Variants in AGTPBP1 observed in about 807,000 individuals in gnomAD.
AGTPBP1 encodes the protein cytosolic carboxypeptidase 1.
A neutral mutation model predicts 143.9 loss-of-function variants in AGTPBP1; 70 were observed. The ratio of observed to expected loss-of-function variants is 0.49; its 90% CI spans 0.40 to 0.59. The LOEUF is 0.59. AGTPBP1 is among the 20% of genes least tolerant of loss of function. The pLI, the probability that AGTPBP1 is intolerant of heterozygous loss-of-function variation, is 0.00. For synonymous variants in AGTPBP1, 463 were observed against 500.2 expected (o/e 0.93, Z 0.99); for missense variants, 1,229 against 1,464.5 (o/e 0.84, Z 2.62).
the AGTPBP1 span, among the ~76,000 whole-genome samples, chr9:85,778,364 T>TC: frequency 1.5e-4 from 23 of 152,342 alleles, no homozygotes; most frequent in African/African-American, 5.1e-4. Flanking sequence ...CTGCAGAAGA[T>TC]GGCGGGGCCT....
At chr9:85,700,828 A>G (rs1836593570) in intron 2 of AGTPBP1, among the ~76,000 whole-genome samples, 1 of 152,244 alleles carries the variant, frequency 6.6e-6, no homozygotes, top group Non-Finnish European at 1.5e-5. Flanking sequence ...ATAAGCTTGA[A>G]TATTTAGCCA....
intron 11 of AGTPBP1, among the ~76,000 whole-genome samples, chr9:85,652,699 T>C (rs1393356783): frequency 2.6e-5 from 4 of 152,086 alleles, no homozygotes; most frequent in East Asian, 3.9e-4. Flanking sequence ...TAACCATAAG[T>C]AGAGTGTTCC....
At chr9:85,804,707 C>T in the AGTPBP1 span, among the ~76,000 whole-genome samples, 2 of 152,202 alleles carry the variant, frequency 1.3e-5, no homozygotes, top group Non-Finnish European at 2.9e-5. Flanking sequence ...CTTAACTTCG[C>T]CTGTAAAATT....
At chr9:85,638,979 T>A (rs1382611289) in intron 13 of AGTPBP1, among the ~76,000 whole-genome samples, 3 of 152,072 alleles carry the variant, frequency 2.0e-5, no homozygotes, top group African/African-American at 7.2e-5. Context: ...AATAGGCAAA[T>A]AGACAACTGT....
the AGTPBP1 span, among the ~76,000 whole-genome samples, chr9:85,772,671 T>C: frequency 6.6e-6 from 1 of 151,832 alleles, no homozygotes; most frequent in Non-Finnish European, 1.5e-5. Context: ...GAGGATCACT[T>C]GATCTCAGGA....
intron 2 of AGTPBP1, among the ~76,000 whole-genome samples, chr9:85,699,595 T>C (rs1221158782): frequency 7.3e-6 from 1 of 136,852 alleles, no homozygotes; most frequent in Non-Finnish European, 1.6e-5. Flanking sequence ...AAAAAAATAA[T>C]AAACAGCAAA....
chr9:85,738,439 A>G (rs1823969759), intron 1 of AGTPBP1, among the ~76,000 whole-genome samples: 1 of 152,214 alleles, frequency 6.6e-6, no homozygotes, highest in South Asian at 2.1e-4. Context: ...TAGATAAAAA[A>G]GAATGCTTAA....
At chr9:85,573,784 T>C (rs1300877172) in intron 25 of AGTPBP1, among the ~76,000 whole-genome samples, 2 of 150,970 alleles carry the variant, frequency 1.3e-5, no homozygotes, top group Non-Finnish European at 2.9e-5. Flanking sequence ...GGAGCGCCTC[T>C]GCCCGGCAGC....
chr9:85,563,528 T>C (rs945496008), intron 25 of AGTPBP1, among the ~76,000 whole-genome samples: 1 of 152,166 alleles, frequency 6.6e-6, no homozygotes, highest in South Asian at 2.1e-4. Flanking sequence ...TGATTGCTTA[T>C]AGTAAAATGC....
chr9:85,691,163 T>C lies in AGTPBP1; in HGVS notation c.157+1526A>G, dbSNP rs12343158. ...TTCATTAGTTGCCTTAGTTGATAAG[T>C]ACAATATTTCCAGAGCCTGGAATCC... On this transcript the variant is annotated intron_variant, in intron 3 of 25. Coordinates refer to ENST00000357081, the MANE Select transcript of AGTPBP1 (RefSeq NM_001330701.2). Among the ~76,000 whole-genome samples, 89 of 152,280 alleles carry C rather than the reference T, an allele frequency of 5.8e-4. 1 individual carries two copies. Among genetic ancestry groups the C allele is most frequent in the African/African-American group, 1.6e-3 (68 of 41,560 alleles).
the AGTPBP1 span, among the ~76,000 whole-genome samples, chr9:85,765,662 C>T: frequency 6.6e-6 from 1 of 152,028 alleles, no homozygotes; most frequent in Non-Finnish European, 1.5e-5. Flanking sequence ...ATCTGAACTT[C>T]CTCTGCAAAT....
chr9:85,734,706 G>C (rs2134777441), intron 1 of AGTPBP1, among the ~76,000 whole-genome samples: 1 of 152,250 alleles, frequency 6.6e-6, no homozygotes, highest in African/African-American at 2.4e-5. Context: ...AAGGTTCCTT[G>C]AAAAATTAAA....
chr9:85,732,440 A>G (rs995270636), intron 1 of AGTPBP1, among the ~76,000 whole-genome samples: 4 of 151,986 alleles, frequency 2.6e-5, no homozygotes, highest in Non-Finnish European at 4.4e-5. Context: ...GGGACTATGA[A>G]GAAACCACTA....
At chr9:85,729,457 C>T (rs557894229) in intron 1 of AGTPBP1, among the ~76,000 whole-genome samples, 3 of 152,328 alleles carry the variant, frequency 2.0e-5, no homozygotes, top group African/African-American at 7.2e-5. Flanking sequence ...TTGCTCAGCA[C>T]TGGTCTTGGC....
intron 1 of AGTPBP1, among the ~76,000 whole-genome samples, chr9:85,732,559 A>G (rs1413946414): frequency 6.6e-6 from 1 of 152,178 alleles, no homozygotes; most frequent in Non-Finnish European, 1.5e-5. Context: ...AAAATATATA[A>G]AATATGAGGA....
chr9:85,803,054 T>C, the AGTPBP1 span, among the ~76,000 whole-genome samples: 1 of 152,220 alleles, frequency 6.6e-6, no homozygotes, highest in Non-Finnish European at 1.5e-5. Flanking sequence ...TTCCTCACTT[T>C]GCTGAGAAAA....
At chr9:85,786,210 A>G in the AGTPBP1 span, 17 of 1,596,178 alleles carry the variant, frequency 1.1e-5, no homozygotes, top group Non-Finnish European at 1.4e-5. Flanking sequence ...GAGAAAGAGA[A>G]ATGGACAGTT....
At chr9:85,746,765 A>C (rs980113346), upstream of AGTPBP1, among the ~76,000 whole-genome samples, 1 of 152,200 alleles carries the variant, frequency 6.6e-6, no homozygotes, top group Non-Finnish European at 1.5e-5. Context: ...CAAAAAAAAA[A>C]CCAAAATGCT....
At chr9:85,720,849 T>G (rs956721839) in intron 1 of AGTPBP1, among the ~76,000 whole-genome samples, 1 of 152,236 alleles carries the variant, frequency 6.6e-6, no homozygotes, top group Non-Finnish European at 1.5e-5. Flanking sequence ...GTCCCAGAGA[T>G]TCTGGTACGT....
Sources: allele counts gnomAD v4.1 joint callset (sites outside exome capture counted in the v4.1 genomes callset), GRCh38; gene constraint gnomAD v4.1.1; transcripts MANE v1.5; gene names NCBI Gene and HGNC (gene_info 2026-07-23, HGNC 2026-07-21).